The following RSRC1 variants were observed in gnomAD, a reference collection of about 807,000 sequenced individuals.
RSRC1 encodes serine/Arginine-related protein 53.
In RSRC1, 39 loss-of-function variants were observed where a neutral mutation model predicts 49.1. The ratio of observed to expected loss-of-function variants is 0.79; its 90% CI spans 0.61 to 1.04. RSRC1 has a LOEUF of 1.04. RSRC1 is among the 50% of genes least tolerant of loss of function. The pLI is 0.00. For synonymous variants in RSRC1, 143 were observed against 130.8 expected, an observed-to-expected ratio of 1.09 and a Z score of -0.63; for missense variants, 388 against 402.4, an observed-to-expected ratio of 0.96 and a Z score of 0.31.
chr3:158,490,229 C>T (rs1019774976), intron 7 of RSRC1, among the ~76,000 whole-genome samples: 3 of 152,112 alleles, frequency 2.0e-5, no homozygotes, highest in African/African-American at 7.2e-5. Flanking sequence ...GTACTACAGG[C>T]ATCCGCCACC....
chr3:158,133,643 C>T (rs533103992), intron 3 of RSRC1, among the ~76,000 whole-genome samples: 31 of 152,286 alleles, frequency 2.0e-4, no homozygotes, highest in African/African-American at 7.2e-4. Context: ...TTGAAAGCAA[C>T]AGCTCACTTT....
intron 4 of RSRC1, among the ~76,000 whole-genome samples, chr3:158,293,993 A>G (rs921177709): frequency 6.6e-6 from 1 of 152,068 alleles, no homozygotes; most frequent in Non-Finnish European, 1.5e-5. Context: ...TCCGTATAAT[A>G]TGCTTTGCTG....
At chr3:158,538,091 C>T (rs1335128849) in intron 8 of RSRC1, among the ~76,000 whole-genome samples, 1 of 151,860 alleles carries the variant, frequency 6.6e-6, no homozygotes, top group Non-Finnish European at 1.5e-5. Flanking sequence ...CTGCCTCCCA[C>T]AGATATCTTG....
intron 6 of RSRC1, among the ~76,000 whole-genome samples, chr3:158,423,581 A>G (rs1034852259): frequency 6.6e-6 from 1 of 152,154 alleles, no homozygotes; most frequent in Non-Finnish European, 1.5e-5. Flanking sequence ...GTTCCAAATG[A>G]ACTTTAAAGT....
At chr3:158,286,988 G>T (rs55818809) in intron 4 of RSRC1, among the ~76,000 whole-genome samples, 18,492 of 152,008 alleles carry the variant, frequency 0.12, 1,392 homozygotes, top group Middle Eastern at 0.2. Context: ...CACCACACCC[G>T]GCCAATTTTT....
chr3:158,347,095 CAT>C (rs1336914920), intron 5 of RSRC1, among the ~76,000 whole-genome samples: 2 of 152,190 alleles, frequency 1.3e-5, no homozygotes, highest in African/African-American at 4.8e-5. Flanking sequence ...AGGAGTAACA[CAT>C]GTGCTTGGCA....
chr3:158,295,594 C>G (rs1727190750), intron 4 of RSRC1, among the ~76,000 whole-genome samples: 1 of 152,016 alleles, frequency 6.6e-6, no homozygotes, highest in East Asian at 1.9e-4. Context: ...ATAGTTAGAT[C>G]TAATGATAAT....
intron 3 of RSRC1, among the ~76,000 whole-genome samples, chr3:158,177,978 C>T (rs951393059): frequency 1.3e-4 from 20 of 151,920 alleles, no homozygotes; most frequent in African/African-American, 4.8e-4. Context: ...TATGTGTGTC[C>T]GATAGGAGTT....
intron 6 of RSRC1, among the ~76,000 whole-genome samples, chr3:158,361,285 T>A (rs1731455756): frequency 6.6e-6 from 1 of 152,244 alleles, no homozygotes; most frequent in Middle Eastern, 3.4e-3. Flanking sequence ...GGTCCTCGAA[T>A]TGGGCACCGC....
At chr3:158,399,623 C>T (rs1733797425) in intron 6 of RSRC1, among the ~76,000 whole-genome samples, 1 of 152,108 alleles carries the variant, frequency 6.6e-6, no homozygotes, top group Non-Finnish European at 1.5e-5. Flanking sequence ...GTTCCTTGTT[C>T]ATACTAGCCA....
intron 7 of RSRC1, among the ~76,000 whole-genome samples, chr3:158,510,205 G>A (rs1740080157): frequency 6.6e-6 from 1 of 152,092 alleles, no homozygotes. Flanking sequence ...GATTACTAAT[G>A]GGCTTGAGCG....
chr3:158,246,887 T>C (rs572848669), intron 4 of RSRC1, among the ~76,000 whole-genome samples: 69 of 152,248 alleles, frequency 4.5e-4, no homozygotes, highest in Non-Finnish European at 7.8e-4. Flanking sequence ...AGAAGTTCTG[T>C]GGGGTTCTCT....
chr3:158,160,850 T>G (rs755009532), intron 3 of RSRC1, among the ~76,000 whole-genome samples: 3 of 152,186 alleles, frequency 2.0e-5, no homozygotes, highest in Non-Finnish European at 2.9e-5. Flanking sequence ...TTTATTTGAT[T>G]GTCAGCATCA....
chr3:158,373,063 C>A (rs1732166304), intron 6 of RSRC1, among the ~76,000 whole-genome samples: 1 of 151,774 alleles, frequency 6.6e-6, no homozygotes, highest in Non-Finnish European at 1.5e-5. Context: ...TTTTGTCAAA[C>A]TCACTTAGAG....
Position 158,146,631 on chromosome 3 carries a change from A to T in RSRC1, c.320+22640A>T, listed in dbSNP as rs546989938. Among the ~76,000 whole-genome samples, 26 of 152,264 alleles carry T rather than the reference A, an allele frequency of 1.7e-4. 1 individual carries two copies. The highest frequency in any genetic ancestry group is 6.0e-4 in the African/African-American group (25 of 41,542). ...TCTGCCAGGCTTTGGTATCAGGATG[A>T]TGCTGGCCTCATAAAATGAGTTAGG... On this transcript the variant is annotated intron_variant, in intron 3 of 9. Coordinates refer to ENST00000611884, the MANE Select transcript of RSRC1 (RefSeq NM_001271838.2).
intron 7 of RSRC1, among the ~76,000 whole-genome samples, chr3:158,534,331 G>C (rs1366305679): frequency 6.6e-6 from 1 of 151,584 alleles, no homozygotes; most frequent in Admixed American, 6.6e-5. Context: ...ATTTATCTCT[G>C]TAACAACATT....
chr3:158,265,644 T>A (rs895139443), intron 4 of RSRC1, among the ~76,000 whole-genome samples: 48 of 140,380 alleles, frequency 3.4e-4, no homozygotes, highest in African/African-American at 1.3e-3. Context: ...AAAAAAAAAA[T>A]TTTACTCCAA....
At chr3:158,427,528 A>AT (rs1411791417) in intron 6 of RSRC1, among the ~76,000 whole-genome samples, 1 of 151,820 alleles carries the variant, frequency 6.6e-6, no homozygotes, top group Non-Finnish European at 1.5e-5. Context: ...AATCAGATTG[A>AT]TTTCGCTTGA....
chr3:158,461,502 A>G (rs935279907), intron 7 of RSRC1, among the ~76,000 whole-genome samples: 5 of 151,950 alleles, frequency 3.3e-5, no homozygotes, highest in African/African-American at 1.2e-4. Context: ...CCCCCAAAAT[A>G]TTATCTAAAC....
Sources: allele counts gnomAD v4.1 joint callset (sites outside exome capture counted in the v4.1 genomes callset), GRCh38; gene constraint gnomAD v4.1.1; transcripts MANE v1.5; gene names NCBI Gene and HGNC (gene_info 2026-07-23, HGNC 2026-07-21).